Variants in ALDH1A2 observed in about 807,000 individuals in gnomAD.
ALDH1A2 encodes the protein aldehyde dehydrogenase 1 family member A2, also known as retinal dehydrogenase 2.
ALDH1A2 carries 27 observed loss-of-function variants against 60.3 expected under a neutral mutation model. The observed-to-expected ratio is 0.45, with a 90% CI of 0.33 to 0.62. The LOEUF is 0.62. Ranked by LOEUF, ALDH1A2 falls within the 20% of genes least tolerant of loss-of-function variation. The probability of loss-of-function intolerance (pLI) is 0.02; values close to 1 mark genes in which losing one functional copy is unlikely to be tolerated. For missense variants in ALDH1A2, 581 were observed against 643.8 expected (o/e 0.90, Z 1.06); for synonymous variants, 289 against 232.4 (o/e 1.24, Z -2.21).
chr15:58,022,586 T>C (rs565770413), intron 1 of ALDH1A2, among the ~76,000 whole-genome samples: 5 of 151,884 alleles, frequency 3.3e-5, no homozygotes, highest in African/African-American at 7.2e-5. Flanking sequence ...GGTGCCAGGG[T>C]ATTCCACACT....
rs1893417440 is a variant in ALDH1A2, at chr15:57,953,525, A to G, written c.*1672T>C. On this transcript the variant is annotated 3_prime_UTR_variant, in exon 13 of 13. Transcript: ENST00000249750. ...TTTTCACATTTTTTGTTGCAGTCCA[A>G]AGGTAACTAGTTGGTTAGTGGCTAT... is the stretch of plus-strand genomic sequence containing the variant. 6.5e-6 allele frequency: 1 copy of G among 152,794 alleles called. No homozygotes were observed. Among genetic ancestry groups the G allele is most frequent in the African/African-American group, 2.4e-5 (1 of 41,454 alleles). 9.5% of individuals were successfully genotyped at this position (152,794 alleles called of 1,614,324 possible). A position where few individuals can be genotyped will look rare whatever the true frequency, so the allele number is the denominator to read the frequency against.
intron 3 of ALDH1A2, among the ~76,000 whole-genome samples, chr15:58,012,850 T>G (rs1188141692): frequency 6.6e-6 from 1 of 152,068 alleles, no homozygotes; most frequent in Non-Finnish European, 1.5e-5. Flanking sequence ...TTTTCCCAAG[T>G]AGGGGAAAGG....
intron 7 of ALDH1A2, among the ~76,000 whole-genome samples, chr15:57,977,220 T>C (rs1351237653): frequency 6.6e-6 from 1 of 152,150 alleles, no homozygotes; most frequent in East Asian, 1.9e-4. Flanking sequence ...ACTCTGATGA[T>C]AGTTTCTTTT....
intron 4 of ALDH1A2, among the ~76,000 whole-genome samples, chr15:57,999,816 A>G (rs1464285321): frequency 6.6e-6 from 1 of 152,044 alleles, no homozygotes; most frequent in Non-Finnish European, 1.5e-5. Context: ...ATCAACCCAA[A>G]TCCCCATCAA....
intron 7 of ALDH1A2, among the ~76,000 whole-genome samples, chr15:57,991,102 C>T (rs1449105323): frequency 6.6e-6 from 1 of 152,118 alleles, no homozygotes; most frequent in Admixed American, 6.5e-5. Context: ...GTTTCAATTT[C>T]CTTAAAGTGA....
intron 5 of ALDH1A2, among the ~76,000 whole-genome samples, chr15:57,993,466 A>G (rs1894960241): frequency 6.6e-6 from 1 of 152,234 alleles, no homozygotes; most frequent in East Asian, 1.9e-4. Flanking sequence ...CACTGGTATG[A>G]AAGCTCTTCA....
chr15:57,966,438 A>G (rs543803260), intron 7 of ALDH1A2, among the ~76,000 whole-genome samples: 1 of 152,342 alleles, frequency 6.6e-6, no homozygotes, highest in South Asian at 2.1e-4. Context: ...AGCACTTGCC[A>G]ATGAGTAGAC....
At chr15:58,030,771 T>G (rs1896215512) in intron 1 of ALDH1A2, among the ~76,000 whole-genome samples, 1 of 152,000 alleles carries the variant, frequency 6.6e-6, no homozygotes. Context: ...TTAGTGAACT[T>G]CCATTCATAA....
intron 1 of ALDH1A2, among the ~76,000 whole-genome samples, chr15:58,037,755 T>C (rs1031220195): frequency 6.6e-6 from 1 of 151,652 alleles, no homozygotes; most frequent in African/African-American, 2.4e-5. Context: ...CATCCCTATA[T>C]GTGTACTTAA....
chr15:57,977,697 G>A (rs960019248), intron 7 of ALDH1A2, among the ~76,000 whole-genome samples: 1 of 152,046 alleles, frequency 6.6e-6, no homozygotes, highest in Non-Finnish European at 1.5e-5. Context: ...GGCTATACAG[G>A]GTCTTTTTTG....
chr15:58,060,463 C>CTTTTTTTTTTTTTTT (rs35187901), intron 1 of ALDH1A2, among the ~76,000 whole-genome samples: 33 of 87,508 alleles, frequency 3.8e-4, no homozygotes, highest in East Asian at 1.9e-3. Flanking sequence ...CCACACATAT[C>CTTTTTTTTTTTTTTT]TTTTTTTTTT....
intron 1 of ALDH1A2, among the ~76,000 whole-genome samples, chr15:58,051,367 ATTT>A (rs1896775133): frequency 6.6e-6 from 1 of 151,394 alleles, no homozygotes; most frequent in Non-Finnish European, 1.5e-5. Flanking sequence ...CTTTTTATTT[ATTT>A]ATTTTTTTAG....
At chr15:58,023,980 C>A (rs138165608) in intron 1 of ALDH1A2, among the ~76,000 whole-genome samples, 1 of 152,168 alleles carries the variant, frequency 6.6e-6, no homozygotes, top group African/African-American at 2.4e-5. Flanking sequence ...GTAATCTCAG[C>A]TACTGGGAAG....
At chr15:58,039,621 T>C (rs1330699682) in intron 1 of ALDH1A2, among the ~76,000 whole-genome samples, 3 of 151,888 alleles carry the variant, frequency 2.0e-5, no homozygotes, top group African/African-American at 7.2e-5. Context: ...CTAGAGTTTT[T>C]CCAGAAGTTG....
chr15:57,958,214 G>GCACACACACACGCACGCACACACA (rs1555398332), intron 12 of ALDH1A2, among the ~76,000 whole-genome samples: 8 of 151,816 alleles, frequency 5.3e-5, no homozygotes, highest in African/African-American at 1.9e-4. Flanking sequence ...GTACACGCAC[G>GCACACACACACGCACGCACACACA]CACACACACA....
At chr15:58,001,130 CT>C (rs1360216593) in intron 4 of ALDH1A2, among the ~76,000 whole-genome samples, 1 of 150,092 alleles carries the variant, frequency 6.7e-6, no homozygotes, top group African/African-American at 2.4e-5. Context: ...TCAAAACTCT[CT>C]GAAAAAAATA....
Position 57,955,133 on chromosome 15 carries a change from C to T in ALDH1A2, c.*64G>A. 2.7e-6 allele frequency: 4 copies of T among 1,487,732 alleles called. No individual in the cohort carries two copies. Among genetic ancestry groups the T allele is most frequent in the Non-Finnish European group, 3.8e-6 (4 of 1,064,966 alleles). 92.2% of individuals were successfully genotyped at this position (1,487,732 alleles called of 1,614,324 possible). On this transcript the variant is annotated 3_prime_UTR_variant, in exon 13 of 13. Transcript: ENST00000249750. Reference sequence around the variant, plus strand: ...CAACTTTGTATTCCTGAGAGCTGGGCCCTACAGAGAAAGCAGAGAGGGACA... The same window carrying T: ...CAACTTTGTATTCCTGAGAGCTGGGTCCTACAGAGAAAGCAGAGAGGGACA...
chr15:57,955,940 T>G (rs1893510325), intron 12 of ALDH1A2, among the ~76,000 whole-genome samples: 2 of 152,322 alleles, frequency 1.3e-5, no homozygotes, highest in African/African-American at 4.8e-5. Context: ...CCTCTTTTTC[T>G]TCTCTTCTTC....
chr15:57,961,055 C>T, intron 11 of ALDH1A2, 82 bp downstream of exon 11: 2 of 1,570,938 alleles, frequency 1.3e-6, no homozygotes, highest in Non-Finnish European at 1.7e-6. Context: ...TATTCCCCAT[C>T]CTTCCAAGGA....
Sources: allele counts gnomAD v4.1 joint callset (sites outside exome capture counted in the v4.1 genomes callset), GRCh38; gene constraint gnomAD v4.1.1; transcripts MANE v1.5; gene names NCBI Gene and HGNC (gene_info 2026-07-23, HGNC 2026-07-21).